JPH3: variants seen among roughly 807,000 people sequenced by gnomAD.
JPH3 encodes the protein junctophilin 3, also known as junctophilin-3.
In JPH3, 11 loss-of-function variants were observed where a neutral mutation model predicts 59.6. That is an observed-to-expected ratio of 0.18 (90% confidence interval 0.12 to 0.31). The LOEUF (loss-of-function observed/expected upper bound fraction) is 0.31. JPH3 is among the 10% of genes least tolerant of loss of function. The pLI, the probability that JPH3 is intolerant of heterozygous loss-of-function variation, is 1.00. For synonymous variants in JPH3, 673 were observed against 483.6 expected, an observed-to-expected ratio of 1.39 and a Z score of -5.14; for missense variants, 1,202 against 1,105.7, an observed-to-expected ratio of 1.09 and a Z score of -1.24.
chr16:87,665,032 G>A (rs1429970185), intron 2 of JPH3, among the ~76,000 whole-genome samples: 1 of 152,230 alleles, frequency 6.6e-6, no homozygotes, highest in Non-Finnish European at 1.5e-5. Context: ...TTTGACAAAT[G>A]GTCGGTGCTC....
chr16:87,679,648 G>A (rs555706146), intron 2 of JPH3, among the ~76,000 whole-genome samples: 4 of 152,370 alleles, frequency 2.6e-5, no homozygotes, highest in Admixed American at 1.3e-4. Context: ...CGCTGTCCGG[G>A]CTGGGTCGTG....
intron 2 of JPH3, among the ~76,000 whole-genome samples, chr16:87,673,642 G>A (rs951994769): frequency 6.6e-6 from 1 of 152,166 alleles, no homozygotes; most frequent in African/African-American, 2.4e-5. Context: ...ATTAAAACAA[G>A]AGGCTGGGCA....
chr16:87,637,440 G>A (rs1419185490), intron 1 of JPH3, among the ~76,000 whole-genome samples: 1 of 151,870 alleles, frequency 6.6e-6, no homozygotes, highest in Non-Finnish European at 1.5e-5. Flanking sequence ...GTGTGTGTGT[G>A]TGTTTTAAAT....
chr16:87,640,814 C>T (rs1392062038), intron 1 of JPH3, among the ~76,000 whole-genome samples: 7 of 152,234 alleles, frequency 4.6e-5, no homozygotes, highest in South Asian at 2.1e-4. Flanking sequence ...ACCCTGTCCA[C>T]AGCCCTGGCA....
intron 2 of JPH3, among the ~76,000 whole-genome samples, chr16:87,657,256 C>T (rs1017516333): frequency 6.6e-6 from 1 of 152,200 alleles, no homozygotes; most frequent in Non-Finnish European, 1.5e-5. Context: ...GGTCTGACAC[C>T]TGCCACGGCA....
intron 1 of JPH3, among the ~76,000 whole-genome samples, chr16:87,640,662 G>A (rs896167802): frequency 2.0e-5 from 3 of 152,064 alleles, no homozygotes; most frequent in African/African-American, 4.8e-5. Context: ...CAAAGTGCTG[G>A]GATTACAAGC....
intron 1 of JPH3, chr16:87,604,878 C>A: frequency 2.5e-6 from 1 of 406,036 alleles, no homozygotes; most frequent in South Asian, 1.8e-5. Context: ...TTTTCTGTGC[C>A]GTTGTTGTTT....
At chr16:87,650,388 C>G (rs760364414) in intron 2 of JPH3, among the ~76,000 whole-genome samples, 5 of 152,210 alleles carry the variant, frequency 3.3e-5, no homozygotes, top group African/African-American at 7.2e-5. Context: ...TCTCTCTCCT[C>G]TGGTCTCCCT....
At chr16:87,696,514 A>G in intron 4 of JPH3, 66 bp from the exon 5 acceptor site, 1 of 1,304,546 alleles carries the variant, frequency 7.7e-7, no homozygotes, top group Non-Finnish European at 1.1e-6. Flanking sequence ...CGTGGGTGGG[A>G]GGCGTGGTGG....
intron 1 of JPH3, among the ~76,000 whole-genome samples, chr16:87,613,730 C>T (rs1202502039): frequency 6.6e-6 from 1 of 152,166 alleles, no homozygotes; most frequent in Non-Finnish European, 1.5e-5. Context: ...AACTGCAAAG[C>T]CAGGGAATTC....
chr16:87,610,349 A>G (rs2030685900), intron 1 of JPH3, among the ~76,000 whole-genome samples: 1 of 152,228 alleles, frequency 6.6e-6, no homozygotes, highest in Non-Finnish European at 1.5e-5. Context: ...ATGTAAATCC[A>G]GAACATTCCA....
At chr16:87,685,650 C>G (rs1044904897) in intron 3 of JPH3, among the ~76,000 whole-genome samples, 8 of 152,270 alleles carry the variant, frequency 5.3e-5, no homozygotes, top group African/African-American at 1.2e-4. Context: ...TGCCAGAACC[C>G]TGGCTGGGCC....
chr16:87,663,334 C>T (rs1047451293), intron 2 of JPH3, among the ~76,000 whole-genome samples: 2 of 152,194 alleles, frequency 1.3e-5, no homozygotes, highest in Non-Finnish European at 2.9e-5. Context: ...TCTCAAACTC[C>T]TGACCTCAAG....
intron 1 of JPH3, among the ~76,000 whole-genome samples, chr16:87,641,595 C>G (rs760477679): frequency 2.0e-5 from 3 of 152,234 alleles, no homozygotes; most frequent in Non-Finnish European, 4.4e-5. Context: ...CCAAATAAGT[C>G]ACGTTCACAG....
At chr16:87,687,645 G>T (rs1597291859) in intron 3 of JPH3, among the ~76,000 whole-genome samples, 1 of 152,204 alleles carries the variant, frequency 6.6e-6, no homozygotes, top group Admixed American at 6.5e-5. Flanking sequence ...AGCTGCAGGG[G>T]CTTCACGAGG....
intron 1 of JPH3, among the ~76,000 whole-genome samples, chr16:87,615,335 G>A (rs1030716584): frequency 8.5e-5 from 13 of 152,266 alleles, no homozygotes; most frequent in Middle Eastern, 3.4e-3. Context: ...CTTTCACCTC[G>A]CCCCCTTCCG....
chr16:87,671,580 C>A lies in JPH3; in HGVS notation c.1161-12562C>A, dbSNP rs2033016360. ...TCACCCACACAACCCTTGTACCCAGCCCTGGGGTCCAGGCCGCCTGCACCG... is the reference window on the plus strand; with the variant it reads ...TCACCCACACAACCCTTGTACCCAGACCTGGGGTCCAGGCCGCCTGCACCG... On this transcript the variant is annotated intron_variant, in intron 2 of 4. Transcript: ENST00000284262. Among the ~76,000 whole-genome samples the A allele has an allele frequency of 4.0e-5, 6 of 149,108 alleles. No homozygotes were observed. The South Asian group carries it at 1.3e-3, about 32-fold the overall frequency.
intron 4 of JPH3, 118 bp from the exon 5 acceptor site, chr16:87,696,462 G>A (rs914634529): frequency 1.4e-5 from 11 of 812,396 alleles, no homozygotes; most frequent in East Asian, 2.4e-5. Context: ...ACATCCTCCC[G>A]TACGCTTCCA....
intron 2 of JPH3, among the ~76,000 whole-genome samples, chr16:87,666,114 G>A (rs2032853016): frequency 1.3e-5 from 2 of 149,358 alleles, no homozygotes; most frequent in South Asian, 4.2e-4. Flanking sequence ...TTTTGAGACA[G>A]AGTTTCGCTC....
Sources: gnomAD v4.1 joint callset for allele counts (sites outside exome capture counted in the v4.1 genomes callset) on GRCh38, gnomAD v4.1.1 for gene constraint, MANE v1.5 for transcripts, NCBI Gene and HGNC (gene_info 2026-07-23, HGNC 2026-07-21) for gene names.